The following ANKS1B variants were observed in gnomAD, a reference collection of about 807,000 sequenced individuals.
ANKS1B encodes ankyrin repeat and sterile alpha motif domain containing 1B.
ANKS1B carries 36 observed loss-of-function variants against 148.3 expected under a neutral mutation model. That is an observed-to-expected ratio of 0.24 (90% CI 0.19 to 0.32). The LOEUF (loss-of-function observed/expected upper bound fraction) is 0.32, where lower values mean the gene tolerates loss of function less well. Ranked by LOEUF, ANKS1B falls within the 10% of genes least tolerant of loss-of-function variation. ANKS1B has a pLI of 1.00. For missense variants in ANKS1B, 1,157 were observed against 1,542.6 expected (o/e 0.75, Z 4.19); for synonymous variants, 542 against 560.8 (o/e 0.97, Z 0.47).
At chr12:99,101,035 A>T (rs2057802851) in intron 15 of ANKS1B, among the ~76,000 whole-genome samples, 1 of 152,220 alleles carries the variant, frequency 6.6e-6, no homozygotes, top group African/African-American at 2.4e-5. Context: ...CGGTTGCAGC[A>T]TGAACAAGGG....
chr12:98,736,886 G>T (rs1299942370), intron 9 of ANKS1B, among the ~76,000 whole-genome samples: 1 of 152,190 alleles, frequency 6.6e-6, no homozygotes, highest in Non-Finnish European at 1.5e-5. Context: ...GCATCTGCAT[G>T]CCAAGCACTG....
chr12:99,014,593 A>G (rs1227149721), intron 17 of ANKS1B, among the ~76,000 whole-genome samples: 1 of 152,240 alleles, frequency 6.6e-6, no homozygotes, highest in Non-Finnish European at 1.5e-5. Flanking sequence ...GATAATTTAC[A>G]TAATGGTAGA....
At chr12:99,217,410 C>A (rs2084385072) in intron 14 of ANKS1B, among the ~76,000 whole-genome samples, 1 of 151,982 alleles carries the variant, frequency 6.6e-6, no homozygotes, top group African/African-American at 2.4e-5. Context: ...AGCCCCAATA[C>A]CCATGGAAAT....
At chr12:99,922,970 A>T (rs1206231328) in intron 1 of ANKS1B, among the ~76,000 whole-genome samples, 1 of 152,084 alleles carries the variant, frequency 6.6e-6, no homozygotes, top group Admixed American at 6.6e-5. Flanking sequence ...CTTATAAATT[A>T]CTTAATCTGT....
chr12:99,143,466 G>A (rs939410863), intron 15 of ANKS1B, among the ~76,000 whole-genome samples: 3 of 152,094 alleles, frequency 2.0e-5, no homozygotes, highest in Non-Finnish European at 4.4e-5. Context: ...GGAGACGCAT[G>A]CAATGACCTG....
chr12:99,063,137 C>T (rs1365653273), intron 16 of ANKS1B, among the ~76,000 whole-genome samples: 3 of 152,200 alleles, frequency 2.0e-5, no homozygotes, highest in Non-Finnish European at 2.9e-5. Flanking sequence ...GGCTCAGCTA[C>T]TTAAACTTGC....
intron 14 of ANKS1B, among the ~76,000 whole-genome samples, chr12:99,171,157 C>T (rs912257018): frequency 2.6e-5 from 4 of 152,120 alleles, no homozygotes; most frequent in African/African-American, 9.7e-5. Flanking sequence ...TAAGAAAGAT[C>T]TCGACTAACA....
At chr12:98,735,094 G>C (rs116928965) in exon 10 of ANKS1B, 3 of 397,942 alleles carry the variant, frequency 7.5e-6, no homozygotes, top group Non-Finnish European at 1.3e-5. Context: ...AAGAAAAATG[G>C]GAAGAAAGAC....
At chr12:99,299,788 T>C (rs1782625061) in intron 12 of ANKS1B, among the ~76,000 whole-genome samples, 1 of 152,202 alleles carries the variant, frequency 6.6e-6, no homozygotes, top group Admixed American at 6.5e-5. Context: ...AAAAATCCCT[T>C]TTTTTCCATT....
At chr12:99,782,893 T>C (rs1212709035) in intron 4 of ANKS1B, among the ~76,000 whole-genome samples, 1 of 151,844 alleles carries the variant, frequency 6.6e-6, no homozygotes, top group South Asian at 2.1e-4. Context: ...ATCCCTTAAA[T>C]TGAAAATGCA....
At chr12:99,348,230 C>T (rs1296770414) in intron 12 of ANKS1B, among the ~76,000 whole-genome samples, 1 of 151,902 alleles carries the variant, frequency 6.6e-6, no homozygotes, top group Non-Finnish European at 1.5e-5. Context: ...ACCTATCTAG[C>T]TATCGGAATC....
chr12:99,665,930 T>C (rs979005532), intron 8 of ANKS1B, among the ~76,000 whole-genome samples: 1 of 152,200 alleles, frequency 6.6e-6, no homozygotes, highest in Non-Finnish European at 1.5e-5. Context: ...CTTCCATAAG[T>C]TTAAGATTTT....
At chr12:99,636,092 C>A (rs1489838615) in intron 9 of ANKS1B, among the ~76,000 whole-genome samples, 1 of 151,670 alleles carries the variant, frequency 6.6e-6, no homozygotes, top group Admixed American at 6.6e-5. Context: ...AAGAAACAGG[C>A]TGGAAAAATA....
At chr12:99,332,502 C>T (rs3920002) in intron 12 of ANKS1B, among the ~76,000 whole-genome samples, 11,626 of 151,846 alleles carry the variant, frequency 0.077, 1,048 homozygotes, top group African/African-American at 0.22. Flanking sequence ...ATGGCATTGT[C>T]CCTGCCCTTA....
chr12:99,393,063 G>T (rs538306762), intron 12 of ANKS1B, among the ~76,000 whole-genome samples: 1 of 151,600 alleles, frequency 6.6e-6, no homozygotes, highest in African/African-American at 2.4e-5. Flanking sequence ...AAATATATAT[G>T]TAGATAGATT....
intron 19 of ANKS1B, among the ~76,000 whole-genome samples, chr12:98,822,879 A>G (rs2099210563): frequency 6.6e-6 from 1 of 152,200 alleles, no homozygotes; most frequent in South Asian, 2.1e-4. Flanking sequence ...ACTTCTTCCA[A>G]TTATTTGTTT....
chr12:99,494,105 G>C (rs935443801), intron 10 of ANKS1B, among the ~76,000 whole-genome samples: 3 of 152,160 alleles, frequency 2.0e-5, no homozygotes, highest in African/African-American at 7.2e-5. Context: ...AGGGAAGAAA[G>C]GGTCTCCAGA....
At chr12:99,541,718 G>T (rs2097127768) in intron 9 of ANKS1B, among the ~76,000 whole-genome samples, 1 of 152,036 alleles carries the variant, frequency 6.6e-6, no homozygotes, top group Non-Finnish European at 1.5e-5. Flanking sequence ...ATCTGGGTGT[G>T]GTGGCAGACA....
At position 98,771,609 on chromosome 12, in the gene ANKS1B, G is replaced by T. The variant is rs543888829; in HGVS notation, c.3579+1433C>A. ...CCACCTCACCCTCTCAGGTAGCTGG[G>T]ACTACAGGCATGTGCTATCACACCC... On this transcript the variant is annotated intron_variant, in intron 25 of 26. Transcript: ENST00000683438. Among the ~76,000 whole-genome samples the T allele has an allele frequency of 2.6e-5, 4 of 152,262 alleles. No individual in the cohort carries two copies. In the South Asian group the frequency reaches 8.3e-4, roughly 32 times the overall value.
Sources: allele counts gnomAD v4.1 joint callset (sites outside exome capture counted in the v4.1 genomes callset), GRCh38; gene constraint gnomAD v4.1.1; transcripts MANE v1.5; gene names NCBI Gene and HGNC (gene_info 2026-07-23, HGNC 2026-07-21).